KCTD16: variants seen among roughly 807,000 people sequenced by gnomAD.
KCTD16 encodes the protein BTB/POZ domain-containing protein KCTD16.
In KCTD16, 13 loss-of-function variants were observed where a neutral mutation model predicts 33.2. The observed-to-expected ratio is 0.39, with a 90% CI of 0.25 to 0.62. The LOEUF is 0.62. Ranked by LOEUF, KCTD16 falls within the 20% of genes least tolerant of loss-of-function variation. The pLI, the probability that KCTD16 is intolerant of heterozygous loss-of-function variation, is 0.50. For synonymous variants in KCTD16, 197 were observed against 195.3 expected (o/e 1.01, Z -0.07); for missense variants, 441 against 525.1 (o/e 0.84, Z 1.57).
chr5:144,241,441 T>C (rs1413594580), intron 3 of KCTD16, among the ~76,000 whole-genome samples: 1 of 152,216 alleles, frequency 6.6e-6, no homozygotes, highest in Non-Finnish European at 1.5e-5. Context: ...GAATGTAGAC[T>C]GGAAATTGCA....
At chr5:144,431,701 A>C (rs1753466561) in intron 3 of KCTD16, among the ~76,000 whole-genome samples, 1 of 152,260 alleles carries the variant, frequency 6.6e-6, no homozygotes, top group African/African-American at 2.4e-5. Context: ...AGTTTAAGAA[A>C]CATTACACTA....
intron 3 of KCTD16, among the ~76,000 whole-genome samples, chr5:144,228,051 A>G (rs1753987772): frequency 6.6e-6 from 1 of 152,160 alleles, no homozygotes; most frequent in Non-Finnish European, 1.5e-5. Flanking sequence ...TGGGTCTGTG[A>G]TTGTAGGGCA....
intron 3 of KCTD16, among the ~76,000 whole-genome samples, chr5:144,375,774 G>A (rs576954470): frequency 6.6e-6 from 1 of 152,064 alleles, no homozygotes; most frequent in Non-Finnish European, 1.5e-5. Flanking sequence ...TTCTAGGACC[G>A]TCACATCAAA....
At chr5:144,449,831 T>G (rs1753901541) in intron 3 of KCTD16, among the ~76,000 whole-genome samples, 1 of 152,002 alleles carries the variant, frequency 6.6e-6, no homozygotes, top group African/African-American at 2.4e-5. Flanking sequence ...ACATAAGATC[T>G]GAAATTATAA....
At chr5:144,430,586 G>A (rs1753435931) in intron 3 of KCTD16, among the ~76,000 whole-genome samples, 1 of 152,142 alleles carries the variant, frequency 6.6e-6, no homozygotes. Flanking sequence ...TTTGCCACAT[G>A]TGCCAATTCT....
At chr5:144,351,297 A>G (rs557430940) in intron 3 of KCTD16, among the ~76,000 whole-genome samples, 1 of 152,292 alleles carries the variant, frequency 6.6e-6, no homozygotes, top group African/African-American at 2.4e-5. Flanking sequence ...ACTGTTTTAA[A>G]GCAAGGACAT....
chr5:144,200,829 G>A (rs76132703), intron 2 of KCTD16, among the ~76,000 whole-genome samples: 147 of 152,242 alleles, frequency 9.7e-4, no homozygotes, highest in Middle Eastern at 3.4e-3. Context: ...CCTTAAACTC[G>A]AGACTCAAGG....
At chr5:144,346,373 A>G (rs1752800721) in intron 3 of KCTD16, among the ~76,000 whole-genome samples, 1 of 152,174 alleles carries the variant, frequency 6.6e-6, no homozygotes. Flanking sequence ...GTGTATACCC[A>G]GCAGTATGAT....
intron 3 of KCTD16, among the ~76,000 whole-genome samples, chr5:144,255,480 T>C (rs1754819861): frequency 6.6e-6 from 1 of 152,234 alleles, no homozygotes; most frequent in Non-Finnish European, 1.5e-5. Flanking sequence ...TTCCACATCC[T>C]TGCCAACACT....
chr5:144,232,736 G>A (rs1207554940), intron 3 of KCTD16, among the ~76,000 whole-genome samples: 4 of 152,086 alleles, frequency 2.6e-5, no homozygotes, highest in Non-Finnish European at 5.9e-5. Flanking sequence ...ATAACCACAT[G>A]AAAAAAGTAA....
chr5:144,333,669 A>C (rs551589480), intron 3 of KCTD16, among the ~76,000 whole-genome samples: 13 of 152,218 alleles, frequency 8.5e-5, no homozygotes, highest in Non-Finnish European at 1.8e-4. Flanking sequence ...GCTCTGTTTC[A>C]TGTGTCTCAT....
At chr5:144,276,733 G>T (rs896670946) in intron 3 of KCTD16, among the ~76,000 whole-genome samples, 29 of 152,024 alleles carry the variant, frequency 1.9e-4, no homozygotes, top group Non-Finnish European at 3.4e-4. Flanking sequence ...GTGAAACCCT[G>T]TCTCTGCTAA....
intron 3 of KCTD16, among the ~76,000 whole-genome samples, chr5:144,314,503 A>G (rs746578057): frequency 3.9e-5 from 6 of 152,158 alleles, no homozygotes; most frequent in Non-Finnish European, 8.8e-5. Context: ...TAGCCCAGTA[A>G]TAAAACTGTG....
chr5:144,172,365 G>T (rs966790817), intron 1 of KCTD16, among the ~76,000 whole-genome samples: 2 of 152,132 alleles, frequency 1.3e-5, no homozygotes, highest in African/African-American at 4.8e-5. Context: ...TGAAATCTGG[G>T]TAATTGAGAT....
At chr5:144,264,543 T>A (rs1755092933) in intron 3 of KCTD16, among the ~76,000 whole-genome samples, 2 of 152,066 alleles carry the variant, frequency 1.3e-5, no homozygotes, top group Admixed American at 1.3e-4. Context: ...TAGGAGGATC[T>A]CTTGAGCCCA....
chr5:144,241,214 A>C (rs929547948), intron 3 of KCTD16, among the ~76,000 whole-genome samples: 1 of 152,178 alleles, frequency 6.6e-6, no homozygotes, highest in Non-Finnish European at 1.5e-5. Flanking sequence ...AAAGAAGGGC[A>C]CTACGTGAGT....
intron 2 of KCTD16, chr5:144,205,621 T>G: frequency 2.5e-6 from 1 of 398,700 alleles, no homozygotes; most frequent in Non-Finnish European, 4.4e-6. Context: ...TCTGAAAAGC[T>G]TCTAAGTCCT....
intron 3 of KCTD16, among the ~76,000 whole-genome samples, chr5:144,260,735 T>TA (rs372015352): frequency 0.21 from 32,468 of 151,352 alleles, 3,885 homozygotes; most frequent in Non-Finnish European, 0.28. Flanking sequence ...GATGGTTGCC[T>TA]GTTTTTTTTG....
chr5:144,472,334 G>A (rs1417407928), intron 3 of KCTD16, among the ~76,000 whole-genome samples: 1 of 152,190 alleles, frequency 6.6e-6, no homozygotes, highest in Non-Finnish European at 1.5e-5. Context: ...TCAGAGGGTG[G>A]AAGTGGAGGG....
Sources: gnomAD v4.1 joint callset for allele counts (sites outside exome capture counted in the v4.1 genomes callset) on GRCh38, gnomAD v4.1.1 for gene constraint, MANE v1.5 for transcripts, NCBI Gene and HGNC (gene_info 2026-07-23, HGNC 2026-07-21) for gene names.